Variants in DNAJC24 observed in about 807,000 individuals in gnomAD.
The protein encoded by DNAJC24 is dnaJ homolog subfamily C member 24.
A neutral mutation model predicts 18.0 loss-of-function variants in DNAJC24; 17 were observed. The observed-to-expected ratio is 0.94, with a 90% CI of 0.65 to 1.42. DNAJC24 has a LOEUF of 1.42. Ranked by LOEUF, DNAJC24 falls within the 40% of genes most tolerant of loss-of-function variation. The probability of loss-of-function intolerance (pLI) is 0.00; values close to 1 mark genes in which losing one functional copy is unlikely to be tolerated. For missense variants in DNAJC24, 158 were observed against 175.6 expected, an observed-to-expected ratio of 0.90 and a Z score of 0.57; for synonymous variants, 55 against 57.7, an observed-to-expected ratio of 0.95 and a Z score of 0.21.
rs1952909490 is a variant in DNAJC24 at position 31,430,411 on chromosome 11, C to A, written c.*10C>A. 6.2e-7 allele frequency: 1 copy of A among 1,600,930 alleles called. No homozygotes were observed. The highest frequency in any genetic ancestry group is 1.7e-5 in the Admixed American group (1 of 59,430). On this transcript the variant is annotated 3_prime_UTR_variant, in exon 5 of 5. Transcript: ENST00000465995. Reference sequence around the variant, plus strand: ...CCTTCATTATAACTAAAATTGTTCACAACTTGAAATGCTTTAACTGTGGTA... The same window carrying A: ...CCTTCATTATAACTAAAATTGTTCAAAACTTGAAATGCTTTAACTGTGGTA...
intron 2 of DNAJC24, among the ~76,000 whole-genome samples, chr11:31,382,673 C>A (rs1446135331): frequency 1.3e-5 from 2 of 152,182 alleles, no homozygotes; most frequent in Non-Finnish European, 2.9e-5. Flanking sequence ...TACTCTCACA[C>A]ACCACTCAAT....
intron 2 of DNAJC24, among the ~76,000 whole-genome samples, chr11:31,374,546 T>C (rs892432570): frequency 1.5e-5 from 2 of 134,444 alleles, no homozygotes; most frequent in Admixed American, 7.7e-5. Context: ...GCTGTATATT[T>C]GTCTGTAATT....
intron 3 of DNAJC24, among the ~76,000 whole-genome samples, chr11:31,421,645 TA>T (rs1952805232): frequency 6.6e-6 from 1 of 152,198 alleles, no homozygotes; most frequent in Non-Finnish European, 1.5e-5. Context: ...CTTTATTTTT[TA>T]AATTGTAACT....
intron 2 of DNAJC24, among the ~76,000 whole-genome samples, chr11:31,394,474 A>T (rs552686942): frequency 1.9e-4 from 29 of 152,196 alleles, no homozygotes; most frequent in Non-Finnish European, 3.1e-4. Flanking sequence ...GGTTCAACTA[A>T]TTATATTAGA....
chr11:31,414,205 C>CTT (rs1236827284), intron 2 of DNAJC24, among the ~76,000 whole-genome samples: 4 of 152,172 alleles, frequency 2.6e-5, no homozygotes, highest in Admixed American at 2.6e-4. Flanking sequence ...TGTTTGAATT[C>CTT]TTTAAAGTTA....
chr11:31,388,349 G>C (rs945923696), intron 2 of DNAJC24, among the ~76,000 whole-genome samples: 24 of 152,122 alleles, frequency 1.6e-4, no homozygotes, highest in African/African-American at 4.6e-4. Context: ...AGGACAAAGA[G>C]AGGATCCTAA....
At chr11:31,382,066 A>G (rs1432540205) in intron 2 of DNAJC24, among the ~76,000 whole-genome samples, 3 of 152,190 alleles carry the variant, frequency 2.0e-5, no homozygotes, top group African/African-American at 7.2e-5. Flanking sequence ...TAGGGTTAGT[A>G]TATACTGTTT....
Position 31,430,534 on chromosome 11 carries a change from A to G in DNAJC24, c.*133A>G, listed in dbSNP as rs1036765866. The G allele has an allele frequency of 1.8e-6, 1 of 562,568 alleles. No homozygotes were observed. Among genetic ancestry groups the G allele is most frequent in the African/African-American group, 1.9e-5 (1 of 52,150 alleles). 34.8% of individuals were successfully genotyped at this position (562,568 alleles called of 1,614,324 possible). ...CAAAGAAAATATACAATTATCAAGCAGAGACCACCTCAGATTAATAGAGAA... is the reference window on the plus strand; with the variant it reads ...CAAAGAAAATATACAATTATCAAGCGGAGACCACCTCAGATTAATAGAGAA... On this transcript the variant is annotated 3_prime_UTR_variant, in exon 5 of 5. Transcript: ENST00000465995.
intron 2 of DNAJC24, among the ~76,000 whole-genome samples, chr11:31,390,174 TCACC>T (rs1288407552): frequency 6.6e-6 from 1 of 151,992 alleles, no homozygotes; most frequent in African/African-American, 2.4e-5. Flanking sequence ...TGCGGGTGGA[TCACC>T]TGAGGTCAGG....
At chr11:31,420,839 G>C (rs565053241) in intron 3 of DNAJC24, among the ~76,000 whole-genome samples, 1 of 152,228 alleles carries the variant, frequency 6.6e-6, no homozygotes, top group East Asian at 1.9e-4. Flanking sequence ...AGTCACGTAC[G>C]AGGGATATTT....
intron 2 of DNAJC24, among the ~76,000 whole-genome samples, chr11:31,382,937 G>A (rs578666): frequency 0.71 from 107,498 of 152,012 alleles, 39,452 homozygotes; most frequent in African/African-American, 0.9. Context: ...TTCCTTCTTT[G>A]TTCTCAATTG....
intron 2 of DNAJC24, among the ~76,000 whole-genome samples, chr11:31,399,464 G>T (rs1952576977): frequency 6.7e-6 from 1 of 149,828 alleles, no homozygotes; most frequent in South Asian, 2.1e-4. Context: ...ACCCAGGCTG[G>T]AGTACAGTGG....
intron 2 of DNAJC24, among the ~76,000 whole-genome samples, chr11:31,388,719 A>G (rs1161418896): frequency 6.6e-6 from 1 of 152,208 alleles, no homozygotes; most frequent in Non-Finnish European, 1.5e-5. Flanking sequence ...AAAACTCATA[A>G]CACTGTAGTT....
At chr11:31,389,644 A>G (rs1291787356) in intron 2 of DNAJC24, among the ~76,000 whole-genome samples, 4 of 152,202 alleles carry the variant, frequency 2.6e-5, no homozygotes, top group Admixed American at 6.5e-5. Flanking sequence ...ATCAGCACCT[A>G]TAGACCAAAT....
At chr11:31,404,817 C>A (rs1952638560) in intron 2 of DNAJC24, among the ~76,000 whole-genome samples, 2 of 151,802 alleles carry the variant, frequency 1.3e-5, no homozygotes, top group Non-Finnish European at 2.9e-5. Flanking sequence ...ACTGTAATGT[C>A]ATGGAAATTC....
chr11:31,411,997 A>C (rs927077978), intron 2 of DNAJC24, among the ~76,000 whole-genome samples: 4 of 152,158 alleles, frequency 2.6e-5, no homozygotes, highest in Admixed American at 6.5e-5. Context: ...AATGGAATGT[A>C]CCCATTAAAT....
chr11:31,394,728 C>T (rs557272319), intron 2 of DNAJC24, among the ~76,000 whole-genome samples: 132 of 151,334 alleles, frequency 8.7e-4, no homozygotes, highest in African/African-American at 3.1e-3. Context: ...GTATTAAATA[C>T]TTATGTAAAT....
chr11:31,392,158 C>G (rs1268024134), intron 2 of DNAJC24, among the ~76,000 whole-genome samples: 1 of 151,962 alleles, frequency 6.6e-6, no homozygotes, highest in East Asian at 1.9e-4. Context: ...AAAAATAGAG[C>G]TAGATAGAAT....
At chr11:31,375,557 G>A (rs893548808) in intron 2 of DNAJC24, among the ~76,000 whole-genome samples, 1 of 134,730 alleles carries the variant, frequency 7.4e-6, no homozygotes, top group Non-Finnish European at 1.7e-5. Context: ...AGTTATAGGA[G>A]AGTTTGAATA....
Sources: gnomAD v4.1 joint callset for allele counts (sites outside exome capture counted in the v4.1 genomes callset) on GRCh38, gnomAD v4.1.1 for gene constraint, MANE v1.5 for transcripts, NCBI Gene and HGNC (gene_info 2026-07-23, HGNC 2026-07-21) for gene names.